Variants in NOL8 observed in about 807,000 individuals in gnomAD.
The protein encoded by NOL8 is nucleolar protein 8.
In NOL8, 93 loss-of-function variants were observed where a neutral mutation model predicts 116.1. The ratio of observed to expected loss-of-function variants is 0.80; its 90% CI spans 0.68 to 0.95. The LOEUF is 0.95. NOL8 is among the 40% of genes least tolerant of loss of function. The pLI is 0.00. For missense variants in NOL8, 1,291 were observed against 1,382.8 expected (o/e 0.93, Z 1.05); for synonymous variants, 419 against 469.0 (o/e 0.89, Z 1.38).
rs753349649 is a variant in NOL8, at chr9:92,299,964, G to A, written c.3228C>T (p.Asp1076=). 1 of 1,613,562 alleles carries A rather than the reference G, an allele frequency of 6.2e-7. No homozygotes were observed. The highest frequency in any genetic ancestry group is 2.2e-5 in the East Asian group (1 of 44,838). Residue 1076 remains aspartate (D), a synonymous_variant, in exon 14 of 17, where the codon GAC becomes GAT. Coordinates refer to ENST00000442668, the MANE Select transcript of NOL8 (RefSeq NM_017948.6). ...VKPGKIVWQE[D]PRLQDSSSEE... Reference sequence around the variant, plus strand: ...CTGAACTGCTGTCTTGTAAACGAGGGTCTTCCTGCCAGACAATCTTTCCAG... The same window carrying A: ...CTGAACTGCTGTCTTGTAAACGAGGATCTTCCTGCCAGACAATCTTTCCAG...
intron 1 of NOL8, 83 bp downstream of exon 1, chr9:92,325,223 T>G (rs78794582): frequency 6.6e-6 from 1 of 152,372 alleles, no homozygotes; most frequent in South Asian, 2.1e-4. Context: ...ACGGCAGCCT[T>G]CTTTCTCTGA....
At position 92,311,405 on chromosome 9, in the gene NOL8, G is replaced by A. The variant is rs891951364; in HGVS notation, c.2359-146C>T. The stretch of plus-strand genomic sequence containing the variant: ...AGCAAAAGAAAAACTTATCAACAAA[G>A]TAAACAGACAACGTACAGAATCGGA... On this transcript the variant is annotated intron_variant, in intron 7 of 16. Transcript: ENST00000442668. 8 of 584,136 alleles carry A rather than the reference G, an allele frequency of 1.4e-5. No homozygotes were observed. In the Admixed American group the frequency reaches 1.6e-4, roughly 11 times the overall value. The allele number at this position is 584,136 out of a possible 1,614,324, so 36.2% of individuals were successfully genotyped here.
chr9:92,310,087 A>G, intron 10 of NOL8, 84 bp downstream of exon 10: 1 of 887,818 alleles, frequency 1.1e-6, no homozygotes, highest in South Asian at 1.5e-5. Flanking sequence ...GAGTTTCTTC[A>G]TGTGTTAAAC....
intron 3 of NOL8, chr9:92,322,934 A>G (rs1375349658): frequency 6.5e-6 from 1 of 153,202 alleles, no homozygotes; most frequent in Non-Finnish European, 1.5e-5. Context: ...TAACTAGAAT[A>G]TGTTACTGTG....
chr9:92,306,820 T>A, intron 11 of NOL8, 66 bp downstream of exon 11: 1 of 1,495,026 alleles, frequency 6.7e-7, no homozygotes, highest in South Asian at 1.3e-5. Flanking sequence ...TAGTTTTAAA[T>A]TGAGTTCAAG....
intron 4 of NOL8, among the ~76,000 whole-genome samples, chr9:92,320,965 C>T (rs1176120696): frequency 6.6e-6 from 1 of 152,212 alleles, no homozygotes; most frequent in Admixed American, 6.5e-5. Context: ...AATACCTTTT[C>T]TTCCTGAAAA....
At position 92,315,599 on chromosome 9, in the gene NOL8, T is replaced by C; in HGVS notation, c.1026A>G (p.Lys342=). The change falls in exon 7 of 17, where the codon AAA becomes AAG. Residue 342 remains lysine (K), a synonymous_variant. Transcript: ENST00000442668. ...AAGAATGCAGTTTGTGAACGCCTGA[T>C]TTGAAATCATCCCTTACAACTTCAA... is the stretch of plus-strand genomic sequence containing the variant. ...DPFEVVRDDF[K]SGVHKLHSLI... is the part of the protein sequence containing the mutation. 1 of 1,613,288 alleles carries C rather than the reference T, an allele frequency of 6.2e-7. No homozygotes were observed. Among genetic ancestry groups the C allele is most frequent in the Non-Finnish European group, 8.5e-7 (1 of 1,179,684 alleles).
chr9:92,310,738 G>T, intron 8 of NOL8, 63 bp from the exon 9 acceptor site: 1 of 1,506,016 alleles, frequency 6.6e-7, no homozygotes, highest in Non-Finnish European at 8.9e-7. Flanking sequence ...CCTTCATAAC[G>T]TAATCTTCTC....
intron 12 of NOL8, among the ~76,000 whole-genome samples, chr9:92,304,969 T>C (rs531058341): frequency 6.6e-6 from 1 of 152,158 alleles, no homozygotes; most frequent in South Asian, 2.1e-4. Context: ...GGTTGCTCCA[T>C]ATATTTGCCA....
In NOL8 at chr9:92,314,717, C is replaced by T. The variant is rs200885651; in HGVS notation, c.1908G>A (p.Ala636=). The change falls in exon 7 of 17, where the codon GCG becomes GCA. Residue 636 remains alanine (A), a synonymous_variant. Coordinates refer to ENST00000442668, the MANE Select transcript of NOL8 (RefSeq NM_017948.6). ...EVTPCQHAKK[A]NGPNYIQPQK... is the part of the protein sequence containing the mutation. ...GAGGCTGAATATAGTTTGGGCCATTCGCCTTCTTTGCATGTTGGCATGGAG... is the reference window on the plus strand; with the variant it reads ...GAGGCTGAATATAGTTTGGGCCATTTGCCTTCTTTGCATGTTGGCATGGAG... 1,000 of 1,613,692 alleles carry T rather than the reference C, an allele frequency of 6.2e-4. No homozygotes were observed. Among genetic ancestry groups the T allele is most frequent in the Non-Finnish European group, 7.9e-4 (934 of 1,179,786 alleles).
At chr9:92,325,142 A>C (rs1042971174) in intron 1 of NOL8, 164 bp downstream of exon 1, 1 of 152,064 alleles carries the variant, frequency 6.6e-6, no homozygotes, top group Non-Finnish European at 1.5e-5. Flanking sequence ...ACCAGCGTCC[A>C]CCACATGGCG....
chr9:92,316,845 C>T lies in NOL8; in HGVS notation c.487-707G>A, dbSNP rs201295869. ...TAATAAATCTTTACCAGGCCTATGT[C>T]GACACTATCCGGGAAAGATTCTAGT... On this transcript the variant is annotated intron_variant, in intron 6 of 16. Coordinates refer to ENST00000442668, the MANE Select transcript of NOL8 (RefSeq NM_017948.6). Among the ~76,000 whole-genome samples, 11 of 152,188 alleles carry T rather than the reference C, an allele frequency of 7.2e-5. No individual in the cohort carries two copies. The East Asian group carries it at 1.9e-3, about 27-fold the overall frequency.
At chr9:92,297,966 T>C (rs1342291009) in intron 16 of NOL8, 80 bp from the exon 17 acceptor site, 22 of 1,227,050 alleles carry the variant, frequency 1.8e-5, no homozygotes, top group Non-Finnish European at 2.5e-5. Context: ...AACAGGTTAT[T>C]CTCACTGTCA....
rs1428534928 is a variant in NOL8 at position 92,318,602 on chromosome 9, A to C, written c.486+16T>G. 23 of 1,559,788 alleles carry C rather than the reference A, an allele frequency of 1.5e-5. No individual in the cohort carries two copies. Among genetic ancestry groups the C allele is most frequent in the Non-Finnish European group, 2.0e-5 (23 of 1,140,966 alleles). Reference sequence around the variant, plus strand: ...GTCACTGTGGTAAATAATTATGTTGAGAGGCCAAAGGATATTTTACGTTTA... The same window carrying C: ...GTCACTGTGGTAAATAATTATGTTGCGAGGCCAAAGGATATTTTACGTTTA... On this transcript the variant is annotated intron_variant, in intron 6 of 16. Transcript: ENST00000442668.
At chr9:92,325,047 C>T (rs911272581) in intron 1 of NOL8, 8 of 152,186 alleles carry the variant, frequency 5.3e-5, no homozygotes, top group Non-Finnish European at 8.8e-5. Flanking sequence ...TAGTATCTCT[C>T]ATTTCGTTTA....
chr9:92,310,271 C>G lies in NOL8; in HGVS notation c.2596-10G>C, dbSNP rs901712378. ...ACTGTAAATCCATGAGCTACACAGA[C>G]AGAAAACATACATAATTGATAGCCA... On this transcript the variant is annotated splice_polypyrimidine_tract_variant and intron_variant, in intron 9 of 16. Coordinates refer to ENST00000442668, the MANE Select transcript of NOL8 (RefSeq NM_017948.6). 6.3e-7 allele frequency: 1 copy of G among 1,597,658 alleles called. No individual in the cohort carries two copies. Among genetic ancestry groups the G allele is most frequent in the Non-Finnish European group, 8.5e-7 (1 of 1,171,454 alleles).
rs532627948 is a variant in NOL8 at position 92,302,544 on chromosome 9, G to A, written c.2904-722C>T. The stretch of plus-strand genomic sequence containing the variant: ...CAAAGAGAGAAACTTTTAGTATTTC[G>A]GTAAATAAACCAACCTCGTTAGGTT... On this transcript the variant is annotated intron_variant, in intron 12 of 16. Transcript: ENST00000442668. 3.3e-5 allele frequency among the ~76,000 whole-genome samples: 5 copies of A among 152,198 alleles called. No individual in the cohort carries two copies. The South Asian group carries it at 8.3e-4, about 25-fold the overall frequency.
At chr9:92,304,569 G>A (rs925787904) in intron 12 of NOL8, among the ~76,000 whole-genome samples, 8 of 152,012 alleles carry the variant, frequency 5.3e-5, no homozygotes, top group Non-Finnish European at 8.8e-5. Context: ...TGTTCAATAC[G>A]GATTATCTGA....
intron 6 of NOL8, among the ~76,000 whole-genome samples, chr9:92,317,759 G>A (rs571590839): frequency 6.6e-6 from 1 of 152,212 alleles, no homozygotes; most frequent in East Asian, 1.9e-4. Context: ...AGACGGTCAG[G>A]TGCGGTGGCT....
Sources: gnomAD v4.1 joint callset for allele counts (sites outside exome capture counted in the v4.1 genomes callset) on GRCh38, gnomAD v4.1.1 for gene constraint, MANE v1.5 for transcripts, NCBI Gene and HGNC (gene_info 2026-07-23, HGNC 2026-07-21) for gene names.